PHTF2: variants seen among roughly 807,000 people sequenced by gnomAD.
PHTF2 encodes the protein putative homeodomain transcription factor 2.
In PHTF2, 60 loss-of-function variants were observed where a neutral mutation model predicts 101.2. That is an observed-to-expected ratio of 0.59 (90% confidence interval 0.48 to 0.73). The LOEUF (loss-of-function observed/expected upper bound fraction) is 0.73. Among genes scored for constraint, PHTF2 ranks in the 30% least tolerant of loss-of-function variants. The probability of loss-of-function intolerance (pLI) is 0.00; values close to 1 mark genes in which losing one functional copy is unlikely to be tolerated. For synonymous variants in PHTF2, 311 were observed against 307.3 expected (o/e 1.01, Z -0.13); for missense variants, 747 against 908.7 (o/e 0.82, Z 2.29).
intron 2 of PHTF2, chr7:77,854,722 T>A: frequency 1.4e-6 from 1 of 707,448 alleles, no homozygotes; most frequent in Non-Finnish European, 2.6e-6. Flanking sequence ...CTTTCTCCTT[T>A]GCTCATGTAG....
exon 11 of PHTF2, chr7:77,922,689 T>C (rs1459842640): frequency 1.2e-6 from 2 of 1,610,186 alleles, no homozygotes; most frequent in African/African-American, 1.3e-5. Context: ...TGAAACAGGA[T>C]ACTCATTACG....
chr7:77,842,194 C>T (rs904836208), intron 2 of PHTF2, among the ~76,000 whole-genome samples: 1 of 151,996 alleles, frequency 6.6e-6, no homozygotes, highest in Non-Finnish European at 1.5e-5. Context: ...ATCACATATT[C>T]TATTATATAT....
Position 77,814,922 on chromosome 7 carries a change from A to C in PHTF2, c.-36+15951A>C, listed in dbSNP as rs1441598600. 2.0e-5 allele frequency among the ~76,000 whole-genome samples: 3 copies of C among 152,088 alleles called. No individual in the cohort carries two copies. In the East Asian group the frequency reaches 5.8e-4, roughly 30 times the overall value. ...AAACCTTTTCTCTACTAAAAATACC[A>C]AAAAATTAGCCAGACTTGGTGGCGT... is the stretch of plus-strand genomic sequence containing the variant. On this transcript the variant is annotated intron_variant, in intron 1 of 19. Transcript: ENST00000416283.
At chr7:77,802,025 T>A (rs1229853010) in intron 1 of PHTF2, among the ~76,000 whole-genome samples, 2 of 152,104 alleles carry the variant, frequency 1.3e-5, no homozygotes, top group Non-Finnish European at 2.9e-5. Context: ...CAATAAATAA[T>A]TTTAAGAGAG....
intron 18 of PHTF2, among the ~76,000 whole-genome samples, chr7:77,952,174 G>A (rs941269204): frequency 1.3e-5 from 2 of 151,958 alleles, no homozygotes; most frequent in African/African-American, 4.8e-5. Context: ...CAATTTTGAT[G>A]TATTTTATCT....
At chr7:77,943,059 A>G (rs891524025) in intron 16 of PHTF2, among the ~76,000 whole-genome samples, 2 of 152,344 alleles carry the variant, frequency 1.3e-5, no homozygotes, top group Middle Eastern at 3.4e-3. Context: ...AAAGAAACGT[A>G]TGAGTTATGA....
chr7:77,831,801 C>T (rs577587868), intron 1 of PHTF2, among the ~76,000 whole-genome samples: 19 of 146,128 alleles, frequency 1.3e-4, no homozygotes, highest in East Asian at 9.6e-4. Flanking sequence ...CTGTGTCATC[C>T]GTAGAGAAAT....
chr7:77,824,078 A>G (rs1035717630), intron 1 of PHTF2, among the ~76,000 whole-genome samples: 1 of 152,156 alleles, frequency 6.6e-6, no homozygotes, highest in South Asian at 2.1e-4. Flanking sequence ...AGGTATGACA[A>G]ATACGTTATA....
chr7:77,873,063 G>T (rs1183164308), intron 3 of PHTF2, among the ~76,000 whole-genome samples: 1 of 152,052 alleles, frequency 6.6e-6, no homozygotes, highest in African/African-American at 2.4e-5. Context: ...CAAGTAGCTG[G>T]GATTACAGGC....
chr7:77,882,508 G>T (rs1033795186), intron 3 of PHTF2, among the ~76,000 whole-genome samples: 2 of 152,110 alleles, frequency 1.3e-5, no homozygotes, highest in Non-Finnish European at 2.9e-5. Flanking sequence ...AGTGGTTGCA[G>T]AGCAAACTCT....
chr7:77,932,061 A>G (rs565869463), intron 12 of PHTF2, among the ~76,000 whole-genome samples: 2 of 152,266 alleles, frequency 1.3e-5, no homozygotes, highest in Admixed American at 6.5e-5. Context: ...AGATGGCGCT[A>G]TTGCACTCCA....
chr7:77,937,191 G>A (rs1369985453), intron 12 of PHTF2, among the ~76,000 whole-genome samples: 1 of 151,924 alleles, frequency 6.6e-6, no homozygotes, highest in Non-Finnish European at 1.5e-5. Flanking sequence ...GTCTTTTTTG[G>A]GATAAGACTA....
At chr7:77,931,631 C>G (rs1175387352) in intron 12 of PHTF2, among the ~76,000 whole-genome samples, 1 of 152,106 alleles carries the variant, frequency 6.6e-6, no homozygotes, top group Non-Finnish European at 1.5e-5. Context: ...GTTTGTACAG[C>G]TACTTTGAAG....
chr7:77,804,832 C>T (rs1792846963), intron 1 of PHTF2, among the ~76,000 whole-genome samples: 1 of 152,202 alleles, frequency 6.6e-6, no homozygotes, highest in Non-Finnish European at 1.5e-5. Context: ...ATTATTGTCC[C>T]CAAATTATTG....
chr7:77,809,478 C>T (rs992778380), intron 1 of PHTF2, among the ~76,000 whole-genome samples: 1 of 152,092 alleles, frequency 6.6e-6, no homozygotes, highest in Non-Finnish European at 1.5e-5. Flanking sequence ...CCACCCACCT[C>T]AGCCTCCCGA....
intron 1 of PHTF2, among the ~76,000 whole-genome samples, chr7:77,824,359 A>G (rs1794544967): frequency 6.6e-6 from 1 of 152,132 alleles, no homozygotes; most frequent in Non-Finnish European, 1.5e-5. Context: ...TATAAAAAGA[A>G]TTGAAACTGG....
intron 1 of PHTF2, among the ~76,000 whole-genome samples, chr7:77,817,913 G>T (rs1007889067): frequency 2.0e-5 from 3 of 151,948 alleles, no homozygotes; most frequent in Admixed American, 1.3e-4. Flanking sequence ...GTCGAGACCA[G>T]CCTGACCAAC....
At chr7:77,901,708 A>G (rs1801409379) in intron 6 of PHTF2, 54 bp from the exon 6 acceptor site, 17 of 1,008,410 alleles carry the variant, frequency 1.7e-5, no homozygotes, top group Non-Finnish European at 2.2e-5. Flanking sequence ...TTCTTTAAAG[A>G]AATTAAAGAA....
chr7:77,903,812 C>G (rs1801611193), intron 7 of PHTF2, among the ~76,000 whole-genome samples: 1 of 152,176 alleles, frequency 6.6e-6, no homozygotes, highest in Admixed American at 6.5e-5. Flanking sequence ...ATTGCAGCAC[C>G]CTGTGGAAAA....
Sources: allele counts gnomAD v4.1 joint callset (sites outside exome capture counted in the v4.1 genomes callset), GRCh38; gene constraint gnomAD v4.1.1; transcripts MANE v1.5; gene names NCBI Gene and HGNC (gene_info 2026-07-23, HGNC 2026-07-21).